Variants in SORBS2 observed in about 807,000 individuals in gnomAD.
SORBS2 encodes the protein sorbin and SH3 domain-containing protein 2.
SORBS2 carries 46 observed loss-of-function variants against 97.7 expected under a neutral mutation model. The ratio of observed to expected loss-of-function variants is 0.47; its 90% CI spans 0.37 to 0.60. The LOEUF is 0.60. Ranked by LOEUF, SORBS2 falls within the 20% of genes least tolerant of loss-of-function variation. SORBS2 has a pLI of 0.00. For missense variants in SORBS2, 1,316 were observed against 1,282.3 expected (o/e 1.03, Z -0.40); for synonymous variants, 476 against 473.4 (o/e 1.01, Z -0.07).
chr4:185,702,801 C>T (rs926425810), intron 2 of SORBS2, among the ~76,000 whole-genome samples: 10 of 151,896 alleles, frequency 6.6e-5, no homozygotes, highest in African/African-American at 2.4e-4. Flanking sequence ...TATAAAAGCA[C>T]ATAAGGGACT....
chr4:185,858,683 T>C (rs991467174), intron 1 of SORBS2, among the ~76,000 whole-genome samples: 1 of 152,192 alleles, frequency 6.6e-6, no homozygotes, highest in African/African-American at 2.4e-5. Context: ...TCACCTACCA[T>C]GATGATTAAG....
intron 1 of SORBS2, among the ~76,000 whole-genome samples, chr4:185,801,552 C>A (rs1354044795): frequency 6.6e-6 from 1 of 152,162 alleles, no homozygotes; most frequent in Non-Finnish European, 1.5e-5. Context: ...TTTTGACTTG[C>A]CTTTCCATGA....
intron 1 of SORBS2, among the ~76,000 whole-genome samples, chr4:185,872,023 T>A (rs1171240406): frequency 6.6e-6 from 1 of 152,246 alleles, no homozygotes; most frequent in Admixed American, 6.5e-5. Flanking sequence ...TATTTTCTCT[T>A]TTTAAAAACT....
intron 2 of SORBS2, among the ~76,000 whole-genome samples, chr4:185,751,445 C>T (rs2098799810): frequency 6.6e-6 from 1 of 151,988 alleles, no homozygotes; most frequent in South Asian, 2.1e-4. Context: ...GGACATTTTG[C>T]TAAATTAGGT....
At chr4:185,767,139 G>C (rs940409110) in intron 2 of SORBS2, among the ~76,000 whole-genome samples, 13 of 152,106 alleles carry the variant, frequency 8.5e-5, no homozygotes, top group African/African-American at 3.1e-4. Flanking sequence ...AGTACAGAAA[G>C]CCAAAACTTA....
At chr4:185,897,779 G>A (rs921177780) in intron 1 of SORBS2, among the ~76,000 whole-genome samples, 1 of 152,200 alleles carries the variant, frequency 6.6e-6, no homozygotes, top group Non-Finnish European at 1.5e-5. Flanking sequence ...GCTCACGCCT[G>A]TAATCCCAGC....
chr4:185,646,735 C>T (rs749385158), exon 4 of SORBS2: 15 of 1,613,858 alleles, frequency 9.3e-6, no homozygotes, highest in East Asian at 2.2e-5. Flanking sequence ...TGGCTCAGAC[C>T]GAAATTTTCT....
Position 185,623,305 on chromosome 4 carries a change from C to T in SORBS2, c.1824G>A (p.Val608=). The change falls in exon 7 of 15, where the codon GTG becomes GTA. Residue 608 remains valine, a synonymous_variant. Coordinates refer to ENST00000418609, the Ensembl canonical transcript of SORBS2. This position sits in a 1 kb window ranked among gnomAD's most constrained non-coding sequence, Gnocchi z 6.4. ...CCGAATTTTTTTTCCTCCGGAAAGG[C>T]ACAGGACTGACTAGAAAAGCAAGTT... 6.2e-7 allele frequency: 1 copy of T among 1,614,142 alleles called. No homozygotes were observed. The highest frequency in any genetic ancestry group is 2.2e-5 in the East Asian group (1 of 44,878).
chr4:185,741,665 GTC>G (rs1378778928), intron 2 of SORBS2, among the ~76,000 whole-genome samples: 1 of 151,968 alleles, frequency 6.6e-6, no homozygotes, highest in Non-Finnish European at 1.5e-5. Flanking sequence ...CACCCGGCCT[GTC>G]CTCACTTTTT....
chr4:185,634,055 A>C lies in SORBS2; in HGVS notation c.397-3457T>G, dbSNP rs956088409. Reference sequence around the variant, plus strand: ...ATTACATGCCTGCCTGCCTGGCTATAAAATGTAAGCCTTTAGAAATAACTG... The same window carrying C: ...ATTACATGCCTGCCTGCCTGGCTATCAAATGTAAGCCTTTAGAAATAACTG... On this transcript the variant is annotated intron_variant, in intron 4 of 14. Transcript: ENST00000418609. Among the ~76,000 whole-genome samples the C allele has an allele frequency of 2.0e-5, 3 of 152,294 alleles. No individual in the cohort carries two copies. The East Asian group carries it at 5.8e-4, about 29-fold the overall frequency.
intron 2 of SORBS2, chr4:185,772,569 T>G (rs2098977771): frequency 6.6e-6 from 1 of 152,170 alleles, no homozygotes; most frequent in Non-Finnish European, 1.5e-5. Flanking sequence ...ACTTCCTTCC[T>G]TCAGCTGAAT....
rs182612511 is a variant in SORBS2 at position 185,877,264 on chromosome 4, T to C, written c.-338+78932A>G. Among the ~76,000 whole-genome samples, 174 of 152,234 alleles carry C rather than the reference T, an allele frequency of 1.1e-3. 1 individual carries two copies. Among genetic ancestry groups the C allele is most frequent in the African/African-American group, 3.7e-3 (154 of 41,546 alleles). ...TCTATTAAACATATTAGCTATAAAA[T>C]TAAAGGCTGATCTTAAAAAACATTA... On this transcript the variant is annotated intron_variant, in intron 1 of 20. Transcript: ENST00000284776.
At chr4:185,629,980 T>A (rs2096880991) in intron 5 of SORBS2, among the ~76,000 whole-genome samples, 1 of 152,198 alleles carries the variant, frequency 6.6e-6, no homozygotes, top group African/African-American at 2.4e-5. Context: ...ATTTCTTTTT[T>A]TTCTCTCTCC....
intron 2 of SORBS2, among the ~76,000 whole-genome samples, chr4:185,697,871 T>C (rs2098200494): frequency 6.6e-6 from 1 of 152,218 alleles, no homozygotes; most frequent in African/African-American, 2.4e-5. Flanking sequence ...TATGCTTTGC[T>C]AAGTTTCTCA....
intron 1 of SORBS2, among the ~76,000 whole-genome samples, chr4:185,931,887 G>A (rs2099266637): frequency 6.6e-6 from 1 of 151,948 alleles, no homozygotes; most frequent in Non-Finnish European, 1.5e-5. Flanking sequence ...TAGCCTCTAA[G>A]TTTACAGGAG....
At chr4:185,823,746 AAAG>A (rs370913960) in intron 1 of SORBS2, among the ~76,000 whole-genome samples, 6 of 152,304 alleles carry the variant, frequency 3.9e-5, no homozygotes, top group African/African-American at 1.2e-4. Context: ...CAGTCAGAGG[AAAG>A]AAGAACAGAA....
At chr4:185,923,061 C>T (rs995656140) in intron 1 of SORBS2, among the ~76,000 whole-genome samples, 1 of 152,160 alleles carries the variant, frequency 6.6e-6, no homozygotes, top group Admixed American at 6.5e-5. Context: ...GGGAAGAATA[C>T]TGGCTAAGTG....
At chr4:185,897,806 G>A (rs1388750498) in intron 1 of SORBS2, among the ~76,000 whole-genome samples, 1 of 152,118 alleles carries the variant, frequency 6.6e-6, no homozygotes, top group African/African-American at 2.4e-5. Flanking sequence ...GGAGGCCGAG[G>A]CAGGCAGATT....
At chr4:185,828,085 G>A (rs576409102) in intron 1 of SORBS2, among the ~76,000 whole-genome samples, 13 of 152,064 alleles carry the variant, frequency 8.5e-5, no homozygotes, top group Non-Finnish European at 1.3e-4. Context: ...CTAAAAACAC[G>A]GTAAGGAGGG....
Sources: allele counts gnomAD v4.1 joint callset (sites outside exome capture counted in the v4.1 genomes callset), GRCh38; gene constraint gnomAD v4.1.1; non-coding constraint Gnocchi (gnomAD v3.1); transcripts MANE v1.5; gene names NCBI Gene and HGNC (gene_info 2026-07-23, HGNC 2026-07-21).